The following CTR9 variants were observed in gnomAD, a reference collection of about 807,000 sequenced individuals.
The protein encoded by CTR9 is CTR9 component of Paf1/RNA polymerase II complex.
CTR9 carries 41 observed loss-of-function variants against 152.1 expected under a neutral mutation model. The ratio of observed to expected loss-of-function variants is 0.27; its 90% confidence interval spans 0.21 to 0.35. CTR9 has a LOEUF of 0.35. Ranked by LOEUF, CTR9 falls within the 10% of genes least tolerant of loss-of-function variation. CTR9 has a pLI of 1.00. For missense variants in CTR9, 917 were observed against 1,424.4 expected (o/e 0.64, Z 5.73); for synonymous variants, 476 against 496.2 (o/e 0.96, Z 0.54).
chr11:10,773,544 A>G (rs1863177408), intron 21 of CTR9, among the ~76,000 whole-genome samples: 1 of 151,822 alleles, frequency 6.6e-6, no homozygotes. Context: ...TCTCAATTAG[A>G]AGTCTAATTG....
chr11:10,767,604 A>G lies in CTR9; in HGVS notation c.1687-202A>G, dbSNP rs1470965462. ...TGAAAGCATTAATTAAAGTGGTGCA[A>G]TTTTGTATAACTTAGCTTTAGCATT... is the stretch of plus-strand genomic sequence containing the variant. On this transcript the variant is annotated intron_variant, in intron 13 of 24. Coordinates refer to ENST00000361367, the MANE Select transcript of CTR9 (RefSeq NM_014633.5). The surrounding 1 kb of genome is among the most constrained non-coding windows in gnomAD (Gnocchi z 4.0). 2 of 556,216 alleles carry G rather than the reference A, an allele frequency of 3.6e-6. No homozygotes were observed. The highest frequency in any genetic ancestry group is 3.2e-6 in the Non-Finnish European group (1 of 312,308). 34.5% of individuals were successfully genotyped at this position (556,216 alleles called of 1,614,324 possible). A position where few individuals can be genotyped will look rare whatever the true frequency, so the allele number is the denominator to read the frequency against.
intron 12 of CTR9, among the ~76,000 whole-genome samples, chr11:10,765,952 C>G (rs1863052749): frequency 6.6e-6 from 1 of 152,036 alleles, no homozygotes; most frequent in South Asian, 2.1e-4. Flanking sequence ...TGTAGCACTT[C>G]ACTATTAATT....
intron 20 of CTR9, 34 bp from the exon 21 acceptor site, chr11:10,773,093 A>G: frequency 6.3e-7 from 1 of 1,576,304 alleles, no homozygotes; most frequent in Non-Finnish European, 8.5e-7. Context: ...GAAAATTTGC[A>G]GTGGGGTTTC....
rs558751306 is a variant in CTR9, at chr11:10,755,396, C to T, written c.384+199C>T. ...TTAAGTAATATGGACAAATGTAGTA[C>T]ATAAAACTTGCTCCAGTAATTTTAT... On this transcript the variant is annotated intron_variant, in intron 3 of 24. Transcript: ENST00000361367. 8.5e-5 allele frequency among the ~76,000 whole-genome samples: 13 copies of T among 152,302 alleles called. No homozygotes were observed. In the South Asian group the frequency reaches 2.7e-3, roughly 32 times the overall value.
At chr11:10,751,548 A>T (rs2135351607) in intron 1 of CTR9, 91 bp downstream of exon 1, 1 of 1,252,370 alleles carries the variant, frequency 8.0e-7, no homozygotes, top group Middle Eastern at 1.9e-4. Context: ...AAGCGAGAGC[A>T]TCCTCCTTCC....
chr11:10,774,566 G>A (rs1366298536), intron 22 of CTR9, among the ~76,000 whole-genome samples: 1 of 152,162 alleles, frequency 6.6e-6, no homozygotes, highest in Non-Finnish European at 1.5e-5. Flanking sequence ...CATGGTTTTT[G>A]CTCAATGCAT....
chr11:10,760,132 A>G (rs1388299937), intron 5 of CTR9, 41 bp from the exon 6 acceptor site: 1 of 1,595,506 alleles, frequency 6.3e-7, no homozygotes, highest in Non-Finnish European at 8.6e-7. Context: ...GAACTCTAAA[A>G]AATGCCCTAG....
rs11822861 is a variant in CTR9 at position 10,763,408 on chromosome 11, T to C, written c.850-23T>C. ...AAGCTAGTCTTATGAATTCACTCAGTTGACTTTCTGATCTTTGTTCAGGAT... is the reference window on the plus strand; with the variant it reads ...AAGCTAGTCTTATGAATTCACTCAGCTGACTTTCTGATCTTTGTTCAGGAT... On this transcript the variant is annotated intron_variant, in intron 7 of 24. Coordinates refer to ENST00000361367, the MANE Select transcript of CTR9 (RefSeq NM_014633.5). 1.6e-3 allele frequency: 2,424 copies of C among 1,526,088 alleles called. 35 individuals carry two copies. The African/African-American group carries it at 0.029, about 18-fold the overall frequency. 94.5% of individuals were successfully genotyped at this position (1,526,088 alleles called of 1,614,324 possible).
chr11:10,768,955 T>C lies in CTR9; in HGVS notation c.2109+464T>C, dbSNP rs180737426. Among the ~76,000 whole-genome samples the C allele has an allele frequency of 3.5e-3, 538 of 152,304 alleles. 3 individuals are homozygous for C. Among genetic ancestry groups the C allele is most frequent in the African/African-American group, 0.012 (512 of 41,560 alleles). Reference sequence around the variant, plus strand: ...CAGGCCAGGCATGGTGGCTTACTCCTGTAATCCCAGCACTTTGGGAGGCTG... The same window carrying C: ...CAGGCCAGGCATGGTGGCTTACTCCCGTAATCCCAGCACTTTGGGAGGCTG... On this transcript the variant is annotated intron_variant, in intron 16 of 24. Transcript: ENST00000361367.
At chr11:10,753,454 A>G (rs1328411827) in intron 2 of CTR9, among the ~76,000 whole-genome samples, 5 of 152,066 alleles carry the variant, frequency 3.3e-5, no homozygotes, top group African/African-American at 1.2e-4. Flanking sequence ...GAGGCTCCTA[A>G]TATTGTCTTG....
At chr11:10,764,239 G>GT in intron 10 of CTR9, 38 bp downstream of exon 10, 1 of 1,613,384 alleles carries the variant, frequency 6.2e-7, no homozygotes. Context: ...CATATGATGT[G>GT]TTTTTTGTAA....
At chr11:10,776,914 A>C (rs1302259392) in intron 24 of CTR9, among the ~76,000 whole-genome samples, 1 of 132,630 alleles carries the variant, frequency 7.5e-6, no homozygotes, top group East Asian at 2.6e-4. Context: ...CAGAGGTTGA[A>C]GTGAGCTGAG....
intron 19 of CTR9, 135 bp downstream of exon 19, chr11:10,771,751 C>T (rs1040581993): frequency 1.2e-5 from 7 of 604,856 alleles, no homozygotes; most frequent in Non-Finnish European, 2.1e-5. Flanking sequence ...TGGGGACTCT[C>T]TAATCTTTGC....
At position 10,755,863 on chromosome 11, in the gene CTR9, G is replaced by A. The variant is rs2270621; in HGVS notation, c.502+68G>A. 41,259 of 858,398 alleles carry A rather than the reference G, an allele frequency of 0.048. 2,688 individuals are homozygous for A. The highest frequency in any genetic ancestry group is 0.19 in the African/African-American group (11,210 of 58,612). The allele number at this position is 858,398 out of a possible 1,614,324, so 53.2% of individuals were successfully genotyped here. On this transcript the variant is annotated intron_variant, in intron 4 of 24. Transcript: ENST00000361367. ...GCATATGCCTAGAATATATCTCTTG[G>A]TAATAGCTCCTTAATAACTCAGCTA...
Position 10,751,339 on chromosome 11 carries a change from T to C in CTR9, c.-74T>C. On this transcript the variant is annotated 5_prime_UTR_variant, in exon 1 of 25. Transcript: ENST00000361367. ...CAGAGCCGGAGCCGTCACTCACCTCTGGATTAGCCTGAAGCGGAGACTACC... is the reference window on the plus strand; with the variant it reads ...CAGAGCCGGAGCCGTCACTCACCTCCGGATTAGCCTGAAGCGGAGACTACC... The C allele has an allele frequency of 1.3e-6, 2 of 1,527,796 alleles. No individual in the cohort carries two copies. Among genetic ancestry groups the C allele is most frequent in the South Asian group, 2.2e-5 (2 of 89,242 alleles). 94.6% of individuals were successfully genotyped at this position (1,527,796 alleles called of 1,614,324 possible). A position where few individuals can be genotyped will look rare whatever the true frequency, so the allele number is the denominator to read the frequency against.
In CTR9 at chr11:10,766,474, C is replaced by T; in HGVS notation, c.1670C>T (p.Ala557Val). Residue 557 changes from alanine to valine, a missense_variant, in exon 13 of 25, where the codon GCT becomes GTT. Physicochemically the swap from Ala to Val is moderately conservative, Grantham distance 64. Coordinates refer to ENST00000361367, the MANE Select transcript of CTR9 (RefSeq NM_014633.5). ...GAGGCTTCAGATTGGTTTAAGGAAG[C>T]TCTTCAGATTAATCAGGTTGGTAAT... ...FYEASDWFKE[A>V]LQINQDHPDA... 1 of 1,605,324 alleles carries T rather than the reference C, an allele frequency of 6.2e-7. No homozygotes were observed. The highest frequency in any genetic ancestry group is 8.5e-7 in the Non-Finnish European group (1 of 1,177,008).
Position 10,762,030 on chromosome 11 carries a change from G to A in CTR9, c.825G>A (p.Leu275=). The change falls in exon 7 of 25, where the codon TTG becomes TTA. Residue 275 remains leucine (L), a synonymous_variant. Transcript: ENST00000361367. The part of the protein sequence containing the change: ...DPSNPMVLNH[L]ANHFFFKKDY... Reference sequence around the variant, plus strand: ...GCAACCCTATGGTATTGAACCATTTGGCAAATCACTTTTTCTTCAAAAAGG... The same window carrying A: ...GCAACCCTATGGTATTGAACCATTTAGCAAATCACTTTTTCTTCAAAAAGG... 6.3e-7 allele frequency: 1 copy of A among 1,599,858 alleles called. No individual in the cohort carries two copies. The highest frequency in any genetic ancestry group is 8.5e-7 in the Non-Finnish European group (1 of 1,174,282).
At chr11:10,755,632 T>G (rs757516690) in intron 3 of CTR9, 46 bp from the exon 4 acceptor site, 21 of 1,219,524 alleles carry the variant, frequency 1.7e-5, no homozygotes. Context: ...TGTTACATGT[T>G]CATGGTATAT....
At chr11:10,751,942 T>G (rs1278186060) in intron 1 of CTR9, among the ~76,000 whole-genome samples, 1 of 152,086 alleles carries the variant, frequency 6.6e-6, no homozygotes, top group Non-Finnish European at 1.5e-5. Context: ...CAACTCTCCT[T>G]CAACGAGATA....
Sources: gnomAD v4.1 joint callset for allele counts (sites outside exome capture counted in the v4.1 genomes callset) on GRCh38, gnomAD v4.1.1 for gene constraint, Gnocchi (gnomAD v3.1) non-coding constraint, MANE v1.5 for transcripts, NCBI Gene and HGNC (gene_info 2026-07-23, HGNC 2026-07-21) for gene names.